The following POLDIP3 variants were observed in gnomAD, a reference collection of about 807,000 sequenced individuals.
POLDIP3 encodes the protein DNA polymerase delta interacting protein 3, also known as polymerase delta-interacting protein 3.
POLDIP3 carries 14 observed loss-of-function variants against 45.1 expected under a neutral mutation model. That is an observed-to-expected ratio of 0.31 (90% CI 0.20 to 0.49). The LOEUF (loss-of-function observed/expected upper bound fraction) is 0.49. Among genes scored for constraint, POLDIP3 ranks in the 20% least tolerant of loss-of-function variants. The pLI is 0.99. For missense variants in POLDIP3, 511 were observed against 538.8 expected (o/e 0.95, Z 0.51); for synonymous variants, 223 against 205.2 (o/e 1.09, Z -0.74).
At chr22:42,599,172 C>T (rs545764587) in intron 4 of POLDIP3, among the ~76,000 whole-genome samples, 4 of 152,234 alleles carry the variant, frequency 2.6e-5, no homozygotes, top group Non-Finnish European at 5.9e-5. Context: ...GAGCTGCAGC[C>T]CTGTACTTCA....
rs184072922 is a variant in POLDIP3, at chr22:42,600,832, G to A, written c.538-1039C>T. The stretch of plus-strand genomic sequence containing the variant: ...TAAAAATACAAAATTAGCCAGGCGC[G>A]GTGACTCATGCTTGTAATCCCAGCT... On this transcript the variant is annotated intron_variant, in intron 3 of 8. Coordinates refer to ENST00000252115, the MANE Select transcript of POLDIP3 (RefSeq NM_032311.5). Among the ~76,000 whole-genome samples the A allele has an allele frequency of 1.8e-3, 270 of 152,202 alleles. 1 individual carries two copies. Among genetic ancestry groups the A allele is most frequent in the Non-Finnish European group, 3.3e-3 (223 of 68,008 alleles).
At chr22:42,597,724 G>C (rs943785303) in intron 4 of POLDIP3, 1 of 470,692 alleles carries the variant, frequency 2.1e-6, no homozygotes, top group Non-Finnish European at 4.4e-6. Context: ...CTAATTACTG[G>C]AAAGGCCTGG....
In POLDIP3 at chr22:42,599,782, G is replaced by A. The variant is rs1175422079; in HGVS notation, c.549C>T (p.Asp183=). ...NNHQAKQNLY[D]LDEDDDGIAS... is the part of the protein sequence containing the mutation. ...CTATACCATCATCATCTTCATCCAG[G>A]TCATATAAATTCTGAGAATATAACA... The change falls in exon 4 of 9, where the codon GAC becomes GAT. Residue 183 remains aspartate (D), a synonymous_variant. Transcript: ENST00000252115. 6.2e-7 allele frequency: 1 copy of A among 1,605,668 alleles called. No individual in the cohort carries two copies. Among genetic ancestry groups the A allele is most frequent in the Admixed American group, 1.7e-5 (1 of 59,394 alleles).
Position 42,584,192 on chromosome 22 carries a change from T to G in POLDIP3, c.*1599A>C, listed in dbSNP as rs1039342438. ...CAGGAAGGGAAAAGTGTGGGAGGAA[T>G]GTCTTCCAGCTGCTAACGAGAAGTC... On this transcript the variant is annotated 3_prime_UTR_variant, in exon 9 of 9. Transcript: ENST00000252115. 6.5e-6 allele frequency: 1 copy of G among 152,726 alleles called. No individual in the cohort carries two copies. The highest frequency in any genetic ancestry group is 2.4e-5 in the African/African-American group (1 of 41,418). 9.5% of individuals were successfully genotyped at this position (152,726 alleles called of 1,614,324 possible).
chr22:42,607,365 G>C (rs1000309711), intron 1 of POLDIP3, among the ~76,000 whole-genome samples: 1 of 152,222 alleles, frequency 6.6e-6, no homozygotes, highest in Admixed American at 6.5e-5. Context: ...TGCCTGCCTC[G>C]GCCTCCCGAG....
Position 42,598,889 on chromosome 22 carries a change from T to C in POLDIP3, c.633+809A>G, listed in dbSNP as rs151238280. Among the ~76,000 whole-genome samples the C allele has an allele frequency of 4.3e-3, 653 of 152,332 alleles. 4 individuals carry two copies. The highest frequency in any genetic ancestry group is 0.015 in the African/African-American group (636 of 41,574). On this transcript the variant is annotated intron_variant, in intron 4 of 8. Coordinates refer to ENST00000252115, the MANE Select transcript of POLDIP3 (RefSeq NM_032311.5). ...CCTCCCTGATGATCCCAGATGTTGT[T>C]TTCTTTCCTTCTCTGCATGATGTCT...
Position 42,588,651 on chromosome 22 carries a change from G to T in POLDIP3, c.1022-1079C>A, listed in dbSNP as rs1375893056. 2.9e-3 allele frequency among the ~76,000 whole-genome samples: 396 copies of T among 138,348 alleles called. 1 individual carries two copies. The highest frequency in any genetic ancestry group is 0.01 in the African/African-American group (379 of 37,490). The allele number at this position is 138,348 out of a possible 152,430, so 90.8% of individuals were successfully genotyped here. On this transcript the variant is annotated intron_variant, in intron 7 of 8. Transcript: ENST00000252115. ...CTTTCTTTTTTTTTTTTTTTGAGATGGAGTTTCGCTCTTATTGCCCAGGCT... is the reference window on the plus strand; with the variant it reads ...CTTTCTTTTTTTTTTTTTTTGAGATTGAGTTTCGCTCTTATTGCCCAGGCT...
intron 3 of POLDIP3, among the ~76,000 whole-genome samples, chr22:42,600,721 G>A (rs1397923378): frequency 6.6e-6 from 1 of 152,062 alleles, no homozygotes; most frequent in African/African-American, 2.4e-5. Context: ...TGTAATCCCA[G>A]CACTTTGGGA....
rs143816327 is a variant in POLDIP3, at chr22:42,585,922, G to A, written c.1135C>T (p.Arg379Cys). The A allele has an allele frequency of 2.5e-5, 41 of 1,613,548 alleles. No individual in the cohort carries two copies. In the African/African-American group the frequency reaches 4.5e-4, roughly 18 times the overall value. Reference sequence around the variant, plus strand: ...GAGGAGGAGGCAGAGTTCACCCTGCGAGGCAGCTCGCTCTCCTTTTTCATT... The same window carrying A: ...GAGGAGGAGGCAGAGTTCACCCTGCAAGGCAGCTCGCTCTCCTTTTTCATT... ...PSMKKESELP[R>C]RVNSASSSNP... The change falls in exon 9 of 9, where the codon CGC becomes TGC. Residue 379 changes from arginine to cysteine, a missense_variant. Coordinates refer to ENST00000252115, the MANE Select transcript of POLDIP3 (RefSeq NM_032311.5).
intron 1 of POLDIP3, among the ~76,000 whole-genome samples, chr22:42,605,241 C>T (rs1926649299): frequency 1.3e-5 from 2 of 152,258 alleles, no homozygotes; most frequent in African/African-American, 2.4e-5. Flanking sequence ...CATTCTCCTG[C>T]GCCAGCCTCC....
At chr22:42,593,490 G>A (rs1368150720) in intron 6 of POLDIP3, among the ~76,000 whole-genome samples, 1 of 152,162 alleles carries the variant, frequency 6.6e-6, no homozygotes, top group Non-Finnish European at 1.5e-5. Flanking sequence ...CTCAGTAAAT[G>A]GCAGTTGTTA....
intron 7 of POLDIP3, among the ~76,000 whole-genome samples, 200 bp downstream of exon 7, chr22:42,591,755 T>C (rs1431996722): frequency 6.6e-6 from 1 of 152,162 alleles, no homozygotes; most frequent in Non-Finnish European, 1.5e-5. Context: ...CTCAAAAGCT[T>C]AAGGGCTGGG....
At chr22:42,609,315 A>T (rs967091017) in intron 1 of POLDIP3, among the ~76,000 whole-genome samples, 1 of 152,196 alleles carries the variant, frequency 6.6e-6, no homozygotes, top group African/African-American at 2.4e-5. Context: ...CATCGCACCG[A>T]AACTACAGCT....
intron 1 of POLDIP3, 29 bp from the exon 2 acceptor site, chr22:42,603,189 A>T: frequency 6.2e-7 from 1 of 1,604,668 alleles, no homozygotes; most frequent in Non-Finnish European, 8.5e-7. Context: ...ATCAATATTA[A>T]GTGGATCTGG....
chr22:42,592,157 C>A (rs1259747666), intron 6 of POLDIP3, 73 bp from the exon 7 acceptor site: 1 of 1,592,232 alleles, frequency 6.3e-7, no homozygotes, highest in Non-Finnish European at 8.6e-7. Flanking sequence ...TCTGAAGGCC[C>A]TGGGGTGTGG....
chr22:42,605,112 A>G (rs1926637869), intron 1 of POLDIP3, among the ~76,000 whole-genome samples: 1 of 152,058 alleles, frequency 6.6e-6, no homozygotes, highest in African/African-American at 2.4e-5. Context: ...GTGACAAGGA[A>G]GTTTCTTTTC....
chr22:42,585,058 A>G lies in POLDIP3; in HGVS notation c.*733T>C, dbSNP rs900665790. 6.6e-6 allele frequency: 3 copies of G among 454,224 alleles called. No homozygotes were observed. The highest frequency in any genetic ancestry group is 1.3e-5 in the Non-Finnish European group (3 of 226,072). The allele number at this position is 454,224 out of a possible 1,614,324, so 28.1% of individuals were successfully genotyped here. On this transcript the variant is annotated 3_prime_UTR_variant, in exon 9 of 9. Transcript: ENST00000252115. ...TCCCAGCAAAGACACCCAGAAGGGAAAGAGAGCTGGGGTGGGGCATTCAGC... is the reference window on the plus strand; with the variant it reads ...TCCCAGCAAAGACACCCAGAAGGGAGAGAGAGCTGGGGTGGGGCATTCAGC...
chr22:42,587,626 C>A, intron 7 of POLDIP3, 54 bp from the exon 8 acceptor site: 1 of 1,500,118 alleles, frequency 6.7e-7, no homozygotes, highest in South Asian at 1.1e-5. Flanking sequence ...GCTCCTCACA[C>A]AAGAGGACAA....
chr22:42,607,581 G>C (rs1926821829), intron 1 of POLDIP3, among the ~76,000 whole-genome samples: 1 of 151,964 alleles, frequency 6.6e-6, no homozygotes, highest in South Asian at 2.1e-4. Flanking sequence ...CGTCTGGGAT[G>C]TGAGGAGCCC....
Sources: gnomAD v4.1 joint callset for allele counts (sites outside exome capture counted in the v4.1 genomes callset) on GRCh38, gnomAD v4.1.1 for gene constraint, MANE v1.5 for transcripts, NCBI Gene and HGNC (gene_info 2026-07-23, HGNC 2026-07-21) for gene names.